METTL3: variants seen among roughly 807,000 people sequenced by gnomAD.
METTL3 encodes the protein N(6)-adenosine-methyltransferase catalytic subunit METTL3.
In METTL3, 42 loss-of-function variants were observed where a neutral mutation model predicts 64.3. The ratio of observed to expected loss-of-function variants is 0.65; its 90% confidence interval spans 0.51 to 0.84. The LOEUF (loss-of-function observed/expected upper bound fraction) is 0.84. Ranked by LOEUF, METTL3 falls within the 40% of genes least tolerant of loss-of-function variation. The pLI is 0.00. For missense variants in METTL3, 435 were observed against 722.3 expected, an observed-to-expected ratio of 0.60 and a Z score of 4.56; for synonymous variants, 256 against 263.6, an observed-to-expected ratio of 0.97 and a Z score of 0.28.
At position 21,499,740 on chromosome 14, in the gene METTL3, G is replaced by A. The variant is rs186911268; in HGVS notation, c.1343+24C>T. 934 of 1,610,156 alleles carry A rather than the reference G, an allele frequency of 5.8e-4. 1 individual carries two copies. In the African/African-American group the frequency reaches 8.7e-3, roughly 15 times the overall value. ...CACTGTAACAGTATTACCCTCAAAA[G>A]AAAGCAACACAACCACTACTTACCC... On this transcript the variant is annotated intron_variant, in intron 7 of 10. Coordinates refer to ENST00000298717, the MANE Select transcript of METTL3 (RefSeq NM_019852.5).
chr14:21,499,178 T>G (rs1891491110), intron 9 of METTL3, 41 bp from the exon 10 acceptor site: 1 of 1,588,792 alleles, frequency 6.3e-7, no homozygotes, highest in Non-Finnish European at 8.6e-7. Context: ...TTACACAAGA[T>G]TGCAATTCTA....
chr14:21,499,828 A>G, intron 6 of METTL3, 26 bp from the exon 7 acceptor site: 1 of 1,609,182 alleles, frequency 6.2e-7, no homozygotes, highest in Non-Finnish European at 8.5e-7. Context: ...TTAAACAACT[A>G]TTTGTATGCC....
chr14:21,507,816 TAATC>T (rs1311482486), intron 1 of METTL3: 1 of 152,204 alleles, frequency 6.6e-6, no homozygotes, highest in African/African-American at 2.4e-5. Flanking sequence ...TTCTTTGAAA[TAATC>T]AAAATAACAC....
At chr14:21,510,324 A>C (rs1481082074) in intron 1 of METTL3, among the ~76,000 whole-genome samples, 2 of 152,208 alleles carry the variant, frequency 1.3e-5, no homozygotes, top group Non-Finnish European at 2.9e-5. Flanking sequence ...ACCTAACATG[A>C]TCTAGACAAG....
intron 10 of METTL3, 47 bp from the exon 11 acceptor site, chr14:21,498,416 A>G: frequency 1.3e-6 from 2 of 1,585,556 alleles, no homozygotes; most frequent in Non-Finnish European, 1.7e-6. Flanking sequence ...CTGGAATTAG[A>G]GGGTTTAATA....
intron 1 of METTL3, among the ~76,000 whole-genome samples, chr14:21,507,053 C>T (rs955970457): frequency 6.6e-6 from 1 of 152,036 alleles, no homozygotes; most frequent in African/African-American, 2.4e-5. Context: ...AGGCTGTGGA[C>T]ACCTGTAGTC....
chr14:21,503,743 T>C lies in METTL3; in HGVS notation c.239A>G (p.Lys80Arg). The change falls in exon 2 of 11, where the codon AAG becomes AGG. Residue 80 changes from lysine (K) to arginine (R), a missense_variant. By Grantham distance (26) the Lys-to-Arg change is conservative (BLOSUM62 2). Transcript: ENST00000298717. ...ATCAGAGAGGTGGTGTAGCAACTTC[T>C]TCTCTAACTCAGGATCTGTAGCTAA... ...PELATDPELE[K>R]KLLHHLSDLA... 1 of 1,614,250 alleles carries C rather than the reference T, an allele frequency of 6.2e-7. No individual in the cohort carries two copies. The highest frequency in any genetic ancestry group is 1.1e-5 in the South Asian group (1 of 91,092).
rs753175972 is a variant in METTL3, at chr14:21,499,842, AT to A, written c.1305-41del. 71 of 1,595,510 alleles carry A rather than the reference AT, an allele frequency of 4.4e-5. No individual in the cohort carries two copies. In the Middle Eastern group the frequency reaches 5.0e-4, roughly 11 times the overall value. ...GTTAAACAACTATTTGTATGCCCAT[AT>A]TTTTTTTCCCTTCAAAATATGTGAT... On this transcript the variant is annotated intron_variant, in intron 6 of 10. Transcript: ENST00000298717.
chr14:21,502,979 C>G, intron 3 of METTL3, 194 bp downstream of exon 3: 1 of 617,884 alleles, frequency 1.6e-6, no homozygotes, highest in Non-Finnish European at 2.8e-6. Flanking sequence ...CCACTAGATG[C>G]CAATAGCACT....
At chr14:21,502,047 T>A (rs1030519391) in intron 3 of METTL3, 144 bp from the exon 4 acceptor site, 7 of 677,508 alleles carry the variant, frequency 1.0e-5, no homozygotes, top group Non-Finnish European at 1.7e-5. Context: ...AGATGGGATC[T>A]TGCTGTCACC....
chr14:21,500,592 C>G lies in METTL3; in HGVS notation c.1207G>C (p.Glu403Gln). 4 of 1,614,104 alleles carry G rather than the reference C, an allele frequency of 2.5e-6. No homozygotes were observed. Among genetic ancestry groups the G allele is most frequent in the Non-Finnish European group, 3.4e-6 (4 of 1,180,016 alleles). ...TCTGTCAGGGTCCCATAGGGCAGTT[C>G]CATGTGAATATCCCAGGGTGGGTCA... ...MADPPWDIHM[E>Q]LPYGTLTDDE... Residue 403 changes from glutamate to glutamine, a missense_variant, in exon 6 of 11, where the codon GAA becomes CAA. Around this residue, in one of 9 missense-constraint regions of METTL3, gnomAD observed 3 missense variants for 28.0 expected, o/e 0.11. Coordinates refer to ENST00000298717, the MANE Select transcript of METTL3 (RefSeq NM_019852.5).
At chr14:21,503,617 C>A in intron 2 of METTL3, 40 bp from the exon 3 acceptor site, 1 of 1,613,444 alleles carries the variant, frequency 6.2e-7, no homozygotes, top group Non-Finnish European at 8.5e-7. Flanking sequence ...AGACACTGAC[C>A]GTGAACTGAA....
intron 6 of METTL3, among the ~76,000 whole-genome samples, 159 bp from the exon 7 acceptor site, chr14:21,499,961 GAT>G (rs1208856418): frequency 1.3e-5 from 2 of 152,106 alleles, no homozygotes; most frequent in Admixed American, 1.3e-4. Flanking sequence ...AGAACGAAAA[GAT>G]AAAACTATGC....
Position 21,500,539 on chromosome 14 carries a change from G to T in METTL3, c.1260C>A (p.Pro420=), listed in dbSNP as rs769876643. 2 of 1,614,102 alleles carry T rather than the reference G, an allele frequency of 1.2e-6. No individual in the cohort carries two copies. The highest frequency in any genetic ancestry group is 3.3e-5 in the Admixed American group (2 of 60,002). Residue 420 remains proline (P), a synonymous_variant, in exon 6 of 11, where the codon CCC becomes CCA. Coordinates refer to ENST00000298717, the MANE Select transcript of METTL3 (RefSeq NM_019852.5). ...AGAGAAAGCCATCATCCTGTAGTAC[G>T]GGTATGTTGAGCCTGCGCATCTCAT... is the stretch of plus-strand genomic sequence containing the variant. ...TDDEMRRLNI[P]VLQDDGFLFL...
chr14:21,500,801 C>A (rs1166369704), intron 5 of METTL3, 112 bp downstream of exon 5: 2 of 1,415,994 alleles, frequency 1.4e-6, no homozygotes, highest in East Asian at 4.7e-5. Flanking sequence ...CCCCTCCATT[C>A]CCAATAAGCA....
intron 1 of METTL3, 28 bp downstream of exon 1, chr14:21,511,096 C>G: frequency 6.2e-7 from 1 of 1,610,246 alleles, no homozygotes; most frequent in African/African-American, 1.3e-5. Flanking sequence ...CCCGGTTGAG[C>G]CTCGGCCCCA....
At chr14:21,506,159 A>C (rs1891691462) in intron 1 of METTL3, among the ~76,000 whole-genome samples, 1 of 151,956 alleles carries the variant, frequency 6.6e-6, no homozygotes, top group Admixed American at 6.6e-5. Context: ...CCAACATGAG[A>C]TATATAACAC....
At chr14:21,501,596 G>C in intron 4 of METTL3, 132 bp downstream of exon 4, 3 of 1,091,808 alleles carry the variant, frequency 2.7e-6, no homozygotes, top group Non-Finnish European at 4.0e-6. Context: ...TACACCTTCA[G>C]GGTCTGGAGG....
In METTL3 at chr14:21,511,065, C is replaced by G; in HGVS notation, c.100+59G>C. 1.9e-6 allele frequency: 3 copies of G among 1,578,758 alleles called. No homozygotes were observed. The South Asian group carries it at 3.5e-5, about 18-fold the overall frequency. On this transcript the variant is annotated intron_variant, in intron 1 of 10. Transcript: ENST00000298717. ...GGGCAGTGACTCTGGAGCTTTTTCT[C>G]TAGGGATCCCGCCCGTCCTCCCCGG...
Sources: allele counts gnomAD v4.1 joint callset (sites outside exome capture counted in the v4.1 genomes callset), GRCh38; gene constraint gnomAD v4.1.1; regional missense constraint gnomAD v4.1.1; transcripts MANE v1.5; gene names NCBI Gene and HGNC (gene_info 2026-07-23, HGNC 2026-07-21).